Variants in SIPA1L3 observed in about 807,000 individuals in gnomAD.
SIPA1L3 encodes signal induced proliferation associated 1 like 3.
SIPA1L3 carries 59 observed loss-of-function variants against 150.1 expected under a neutral mutation model. The observed-to-expected ratio is 0.39, with a 90% CI of 0.32 to 0.49. SIPA1L3 has a LOEUF of 0.49. Ranked by LOEUF, SIPA1L3 falls within the 20% of genes least tolerant of loss-of-function variation. The pLI is 0.86. For synonymous variants in SIPA1L3, 1,070 were observed against 1,077.6 expected, an observed-to-expected ratio of 0.99 and a Z score of 0.14; for missense variants, 2,211 against 2,489.5, an observed-to-expected ratio of 0.89 and a Z score of 2.38.
chr19:38,202,454 G>T (rs1973109146), intron 20 of SIPA1L3, among the ~76,000 whole-genome samples: 1 of 152,090 alleles, frequency 6.6e-6, no homozygotes, highest in Non-Finnish European at 1.5e-5. Flanking sequence ...CGGGCGTGGT[G>T]GTGCGTGCCT....
At chr19:37,958,733 C>T (rs2046832064) in intron 1 of SIPA1L3, among the ~76,000 whole-genome samples, 1 of 152,082 alleles carries the variant, frequency 6.6e-6, no homozygotes, top group Non-Finnish European at 1.5e-5. Context: ...CAAAGGATGC[C>T]ATCAAGAACA....
intron 16 of SIPA1L3, among the ~76,000 whole-genome samples, chr19:38,186,866 TG>T (rs1972691645): frequency 6.6e-6 from 1 of 150,920 alleles, no homozygotes; most frequent in Admixed American, 6.6e-5. Context: ...GTCGCATGCC[TG>T]TAATCTGTTC....
At chr19:38,065,902 C>CTTATTTATCTATCTAT (rs1555782600) in intron 2 of SIPA1L3, among the ~76,000 whole-genome samples, 6 of 87,582 alleles carry the variant, frequency 6.9e-5, no homozygotes, top group African/African-American at 3.4e-4. Context: ...GGTTTGATCT[C>CTTATTTATCTATCTAT]TTATTTATTT....
At chr19:37,967,493 C>G (rs1203477408) in intron 1 of SIPA1L3, among the ~76,000 whole-genome samples, 1 of 152,084 alleles carries the variant, frequency 6.6e-6, no homozygotes, top group South Asian at 2.1e-4. Context: ...ACCTCATGAT[C>G]CACCTGCCTT....
At chr19:38,112,051 TGCAC>T (rs1432217751) in intron 8 of SIPA1L3, among the ~76,000 whole-genome samples, 1 of 134,478 alleles carries the variant, frequency 7.4e-6, no homozygotes, top group Non-Finnish European at 1.5e-5. Context: ...CGTCCACACA[TGCAC>T]ACACACGTAT....
intron 16 of SIPA1L3, among the ~76,000 whole-genome samples, chr19:38,191,620 C>T (rs1352656528): frequency 2.6e-5 from 4 of 152,002 alleles, no homozygotes; most frequent in Non-Finnish European, 5.9e-5. Flanking sequence ...CAAGACCAGC[C>T]TGGCCAACAT....
chr19:38,130,003 G>A (rs537265543), intron 9 of SIPA1L3, among the ~76,000 whole-genome samples: 1 of 152,128 alleles, frequency 6.6e-6, no homozygotes, highest in Non-Finnish European at 1.5e-5. Context: ...GGAAGCAGAC[G>A]TTGCAGTGAG....
chr19:38,082,567 G>A lies in SIPA1L3; in HGVS notation c.1002G>A (p.Trp334Ter). ...GRSPPEASRP[W>*]VCQKSFAHFD... The stretch of plus-strand genomic sequence containing the variant: ...GCCCCCCGGAAGCCAGCAGGCCGTG[G>A]GTGTGTCAGAAGAGCTTCGCCCACT... Residue 334 changes from tryptophan (W) to a stop codon, truncating the protein, a stop_gained, in exon 3 of 22, where the codon TGG (tryptophan) becomes TGA (stop). Coordinates refer to ENST00000222345, the MANE Select transcript of SIPA1L3 (RefSeq NM_015073.3). LOFTEE classifies it high-confidence loss of function. 1.9e-6 allele frequency: 3 copies of A among 1,604,096 alleles called. No individual in the cohort carries two copies. Among genetic ancestry groups the A allele is most frequent in the Non-Finnish European group, 2.5e-6 (3 of 1,178,730 alleles).
intron 1 of SIPA1L3, among the ~76,000 whole-genome samples, chr19:37,925,336 G>A (rs1381396211): frequency 1.3e-5 from 2 of 152,146 alleles, no homozygotes; most frequent in Non-Finnish European, 2.9e-5. Flanking sequence ...TTTGGGAAGG[G>A]TGGCCAGGGA....
At chr19:38,036,834 C>T (rs1968804124) in intron 2 of SIPA1L3, among the ~76,000 whole-genome samples, 2 of 152,140 alleles carry the variant, frequency 1.3e-5, no homozygotes, top group South Asian at 4.1e-4. Flanking sequence ...TCGCCCCATC[C>T]CGGCCTGCCC....
At chr19:38,044,639 G>A (rs1183678281) in intron 2 of SIPA1L3, among the ~76,000 whole-genome samples, 2 of 152,148 alleles carry the variant, frequency 1.3e-5, no homozygotes, top group African/African-American at 4.8e-5. Flanking sequence ...TCTCTGTTCA[G>A]GCCACACCTG....
At chr19:38,112,130 G>T (rs1175099910) in intron 8 of SIPA1L3, among the ~76,000 whole-genome samples, 4 of 142,124 alleles carry the variant, frequency 2.8e-5, no homozygotes, top group South Asian at 2.3e-4. Context: ...CACACATACA[G>T]GTACACACCT....
chr19:38,114,869 T>C (rs1970846925), intron 8 of SIPA1L3, among the ~76,000 whole-genome samples: 1 of 152,192 alleles, frequency 6.6e-6, no homozygotes, highest in Admixed American at 6.5e-5. Context: ...GCGCAGTAGC[T>C]CCCACACTGG....
chr19:38,024,720 T>C (rs1968461959), intron 1 of SIPA1L3, among the ~76,000 whole-genome samples: 1 of 152,198 alleles, frequency 6.6e-6, no homozygotes, highest in East Asian at 1.9e-4. Flanking sequence ...TGTGCTTTTT[T>C]TCCTGGAGGG....
chr19:38,119,635 G>T lies in SIPA1L3; in HGVS notation c.2621G>T (p.Arg874Met), dbSNP rs756189454. 6.2e-7 allele frequency: 1 copy of T among 1,614,200 alleles called. No homozygotes were observed. The highest frequency in any genetic ancestry group is 1.7e-5 in the Admixed American group (1 of 60,026). The change falls in exon 9 of 22, where the codon AGG becomes ATG. Residue 874 changes from arginine to methionine, a missense_variant. Arg to Met is a moderately conservative substitution (Grantham distance 91, BLOSUM62 -1). Transcript: ENST00000222345. ...CACAGTGCAGGGGCCATCGCCTGGA[G>T]GGTGGTGGCCCAGGACTACGCCCAG... ...EQHSAGAIAWRVVAQDYAQGV... is the reference protein window; with the variant it reads ...EQHSAGAIAWMVVAQDYAQGV...
At chr19:38,195,793 T>TCCTCCC (rs1972910801) in intron 18 of SIPA1L3, among the ~76,000 whole-genome samples, 1 of 20,028 alleles carries the variant, frequency 5.0e-5, no homozygotes, top group Non-Finnish European at 9.5e-5. Flanking sequence ...ACAGGCCCCG[T>TCCTCCC]CCCCCCCCGC....
intron 19 of SIPA1L3, chr19:38,200,454 C>T (rs1275326312): frequency 6.6e-6 from 1 of 152,196 alleles, no homozygotes; most frequent in Non-Finnish European, 1.5e-5. Context: ...TCAGAACTCC[C>T]ATGCTGATCA....
chr19:37,970,117 G>A (rs975245433), intron 1 of SIPA1L3, among the ~76,000 whole-genome samples: 2 of 152,188 alleles, frequency 1.3e-5, no homozygotes, highest in Non-Finnish European at 1.5e-5. Context: ...ATTTTGGTTA[G>A]TTTGTCATTG....
In SIPA1L3 at chr19:38,190,174, G is replaced by A. The variant is rs376623239; in HGVS notation, c.4431-1971G>A. ...CAGGAGGTCTTGGCACGCCCCTCTC[G>A]AGGGGAGCCTGTGGGCAGTGCACTG... On this transcript the variant is annotated intron_variant, in intron 16 of 21. Coordinates refer to ENST00000222345, the MANE Select transcript of SIPA1L3 (RefSeq NM_015073.3). Among the ~76,000 whole-genome samples, 117 of 152,188 alleles carry A rather than the reference G, an allele frequency of 7.7e-4. 2 individuals are homozygous for A. The South Asian group carries it at 0.02, about 26-fold the overall frequency.
Sources: allele counts gnomAD v4.1 joint callset (sites outside exome capture counted in the v4.1 genomes callset), GRCh38; gene constraint gnomAD v4.1.1; transcripts MANE v1.5; gene names NCBI Gene and HGNC (gene_info 2026-07-23, HGNC 2026-07-21).